The following STRIP1 variants were observed in gnomAD, a reference collection of about 807,000 sequenced individuals.
STRIP1 encodes the protein striatin interacting protein 1, also known as striatin-interacting protein 1.
Under a neutral mutation model 106.2 loss-of-function variants are expected in STRIP1, and 63 were observed. That is an observed-to-expected ratio of 0.59 (90% CI 0.48 to 0.73). STRIP1 has a LOEUF of 0.73. Ranked by LOEUF, STRIP1 falls within the 30% of genes least tolerant of loss-of-function variation. The pLI is 0.00. For synonymous variants in STRIP1, 390 were observed against 413.0 expected, an observed-to-expected ratio of 0.94 and a Z score of 0.67; for missense variants, 857 against 1,074.8, an observed-to-expected ratio of 0.80 and a Z score of 2.83.
chr1:110,034,259 C>T (rs1217675130), upstream of STRIP1, among the ~76,000 whole-genome samples: 1 of 152,096 alleles, frequency 6.6e-6, no homozygotes, highest in African/African-American at 2.4e-5. Flanking sequence ...CTTGTCACAA[C>T]GGTAACTCTG....
chr1:110,047,955 G>T (rs1465174564), intron 15 of STRIP1, 86 bp downstream of exon 15: 12 of 1,171,178 alleles, frequency 1.0e-5, no homozygotes, highest in East Asian at 5.1e-5. Context: ...GTTGGTTGTT[G>T]TTGGCCCAGC....
At chr1:110,053,598 C>T in intron 20 of STRIP1, 67 bp from the exon 21 acceptor site, 3 of 1,584,832 alleles carry the variant, frequency 1.9e-6, no homozygotes, top group East Asian at 4.5e-5. Flanking sequence ...TATTCCTGGC[C>T]AGTGAATCCA....
Position 110,034,663 on chromosome 1 carries a change from G to C in STRIP1, c.26G>C (p.Gly9Ala). MEPAVGGPGPLIVNNKQPQ... is the reference protein window; with the variant it reads MEPAVGGPAPLIVNNKQPQ... Reference sequence around the variant, plus strand: ...ATGGAGCCGGCAGTCGGCGGTCCGGGCCCACTGATCGTGAACAACAAACAG... The same window carrying C: ...ATGGAGCCGGCAGTCGGCGGTCCGGCCCCACTGATCGTGAACAACAAACAG... Residue 9 changes from glycine to alanine, a missense_variant, in exon 1 of 21, where the codon GGC (glycine) becomes GCC (alanine). Around this residue, in one of 2 missense-constraint regions of STRIP1, gnomAD observed 107 missense variants for 85.1 expected, o/e 1.26. Transcript: ENST00000369795. The C allele has an allele frequency of 1.3e-6, 2 of 1,523,186 alleles. No homozygotes were observed. The highest frequency in any genetic ancestry group is 1.8e-6 in the Non-Finnish European group (2 of 1,136,284). The allele number at this position is 1,523,186 out of a possible 1,614,324, so 94.4% of individuals were successfully genotyped here.
intron 9 of STRIP1, 21 bp downstream of exon 9, chr1:110,043,291 T>C: frequency 6.2e-7 from 1 of 1,605,460 alleles, no homozygotes; most frequent in Non-Finnish European, 8.5e-7. Flanking sequence ...CAGAGGTCCC[T>C]GTGACTCCTG....
Position 110,043,257 on chromosome 1 carries a change from G to A in STRIP1, c.1055G>A (p.Arg352His), listed in dbSNP as rs746536861. 13 of 1,610,900 alleles carry A rather than the reference G, an allele frequency of 8.1e-6. No individual in the cohort carries two copies. Among genetic ancestry groups the A allele is most frequent in the African/African-American group, 5.3e-5 (4 of 74,920 alleles). ...DLIEQQQKRG[R>H]REHKALIKQD... ...ATTGAGCAGCAGCAGAAACGGGGCC[G>A]CCGAGAGCACAAGGTGAGGACGACA... is the stretch of plus-strand genomic sequence containing the variant. Residue 352 changes from arginine to histidine, a missense_variant, in exon 9 of 21, where the codon CGC becomes CAC. This residue lies in a region of STRIP1 where 750 missense variants were observed against 989.8 expected (regional missense o/e 0.76). Coordinates refer to ENST00000369795, the MANE Select transcript of STRIP1 (RefSeq NM_033088.4).
rs1048599436 is a variant in STRIP1, at chr1:110,054,517, C to G, written c.*605C>G. ...AGAAGCTTCCCTTAACCAGAGGGGC[C>G]ATTTTTCCTTTTGGCTTTCGAGGGC... On this transcript the variant is annotated 3_prime_UTR_variant, in exon 21 of 21. Transcript: ENST00000369795. 1.3e-5 allele frequency: 2 copies of G among 152,882 alleles called. No homozygotes were observed. The highest frequency in any genetic ancestry group is 4.8e-5 in the African/African-American group (2 of 41,426). 9.5% of individuals were successfully genotyped at this position (152,882 alleles called of 1,614,324 possible). A position where few individuals can be genotyped will look rare whatever the true frequency, so the allele number is the denominator to read the frequency against.
Position 110,049,092 on chromosome 1 carries a change from C to T in STRIP1, c.1662-20C>T. The T allele has an allele frequency of 6.2e-7, 1 of 1,613,996 alleles. No individual in the cohort carries two copies. The highest frequency in any genetic ancestry group is 8.5e-7 in the Non-Finnish European group (1 of 1,179,956). ...GGTACTGCGCATGCTGGTGGCTTAC[C>T]CAGGCAATTATGTTTCCAGCACCAC... On this transcript the variant is annotated intron_variant, in intron 15 of 20. Coordinates refer to ENST00000369795, the MANE Select transcript of STRIP1 (RefSeq NM_033088.4).
At position 110,051,855 on chromosome 1, in the gene STRIP1, A is replaced by G; in HGVS notation, c.2234A>G (p.His745Arg). The change falls in exon 20 of 21, where the codon CAT (histidine) becomes CGT (arginine). Residue 745 changes from histidine to arginine, a missense_variant. By Grantham distance (29) the His-to-Arg change is conservative (BLOSUM62 0). Coordinates refer to ENST00000369795, the MANE Select transcript of STRIP1 (RefSeq NM_033088.4). The part of the protein sequence containing the change: ...TMSAIYQKVR[H>R]RLNDDWAYGN... ...TCTGCCATCTACCAGAAGGTGCGGC[A>G]TCGGCTGAACGACGACTGGGCATAC... The G allele has an allele frequency of 6.2e-7, 1 of 1,612,990 alleles. No homozygotes were observed. Among genetic ancestry groups the G allele is most frequent in the Non-Finnish European group, 8.5e-7 (1 of 1,179,956 alleles).
chr1:110,035,769 C>T (rs952314268), intron 1 of STRIP1, among the ~76,000 whole-genome samples: 5 of 152,136 alleles, frequency 3.3e-5, no homozygotes, highest in Admixed American at 1.3e-4. Context: ...CATAATGTAC[C>T]AATTCATACC....
rs1457955050 is a variant in STRIP1, at chr1:110,043,635, T to C, written c.1069-4T>C. 1 of 1,613,004 alleles carries C rather than the reference T, an allele frequency of 6.2e-7. No homozygotes were observed. The highest frequency in any genetic ancestry group is 1.3e-5 in the African/African-American group (1 of 74,938). On this transcript the variant is annotated splice_region_variant and splice_polypyrimidine_tract_variant and intron_variant, in intron 9 of 20. Transcript: ENST00000369795. ...CTTGTCTCATCTCCCTTCCCTGGTT[T>C]CAGGCTCTGATAAAGCAGGACAACC...
At chr1:110,034,549 C>A (rs1379615869), upstream of STRIP1, 7 of 1,416,352 alleles carry the variant, frequency 4.9e-6, no homozygotes, top group Middle Eastern at 1.9e-4. Flanking sequence ...CTTAATATGG[C>A]GGCCAGGGAA....
intron 15 of STRIP1, chr1:110,048,362 A>G (rs74117321): frequency 0.011 from 1,895 of 165,432 alleles, 44 homozygotes; most frequent in African/African-American, 0.043. Flanking sequence ...TGTGCCCTGT[A>G]CTTGTCTTTC....
At position 110,038,955 on chromosome 1, in the gene STRIP1, G is replaced by A. The variant is rs540907259; in HGVS notation, c.325+198G>A. 1.8e-5 allele frequency: 13 copies of A among 714,574 alleles called. No individual in the cohort carries two copies. In the East Asian group the frequency reaches 3.5e-4, roughly 19 times the overall value. The allele number at this position is 714,574 out of a possible 1,614,324, so 44.3% of individuals were successfully genotyped here. On this transcript the variant is annotated intron_variant, in intron 3 of 20. Transcript: ENST00000369795. ...GGCTTTTCAGAATGTGCATATTAGG[G>A]GAGAAAAAAAAATCATGTGATTAAA...
At chr1:110,032,502 A>G (rs1652241660), upstream of STRIP1, among the ~76,000 whole-genome samples, 2 of 152,182 alleles carry the variant, frequency 1.3e-5, no homozygotes, top group Admixed American at 1.3e-4. Context: ...GATAATAGTA[A>G]GAGTTATTAT....
intron 20 of STRIP1, among the ~76,000 whole-genome samples, chr1:110,052,211 T>G (rs557073532): frequency 6.6e-6 from 1 of 152,300 alleles, no homozygotes; most frequent in Non-Finnish European, 1.5e-5. Flanking sequence ...TTGACTGACT[T>G]CCCTGCCTCT....
rs748790762 is a variant in STRIP1, at chr1:110,049,234, A to G, written c.1784A>G (p.Tyr595Cys). The stretch of plus-strand genomic sequence containing the variant: ...AAGCACTTTAAGTTGAACCATGTCT[A>G]CCAGGTACCCACAGGGCTTTCCCTC... ...LLKHFKLNHV[Y>C]QFEYMAQHLV... The change falls in exon 16 of 21, where the codon TAC becomes TGC. Residue 595 changes from tyrosine (Y) to cysteine (C), a missense_variant. This residue lies in a region of STRIP1 where 750 missense variants were observed against 989.8 expected (regional missense o/e 0.76). Transcript: ENST00000369795. The G allele has an allele frequency of 3.1e-6, 5 of 1,614,046 alleles. No homozygotes were observed. Among genetic ancestry groups the G allele is most frequent in the Middle Eastern group, 1.7e-4 (1 of 6,024 alleles).
Position 110,039,486 on chromosome 1 carries a change from T to C in STRIP1, c.552T>C (p.Ala184=). The C allele has an allele frequency of 1.9e-6, 3 of 1,608,546 alleles. No individual in the cohort carries two copies. Among genetic ancestry groups the C allele is most frequent in the Non-Finnish European group, 2.5e-6 (3 of 1,177,518 alleles). The change falls in exon 5 of 21, where the codon GCT becomes GCC. Residue 184 remains alanine (A), a synonymous_variant. Coordinates refer to ENST00000369795, the MANE Select transcript of STRIP1 (RefSeq NM_033088.4). ...FLLLEVGTFN[A]LVELLNMEID... is the part of the protein sequence containing the mutation. ...TCCTGGAGGTGGGCACGTTCAATGC[T>C]TTGGTGGAGCTTCTGAACATGGAAA...
At chr1:110,039,044 A>G in intron 3 of STRIP1, 128 bp from the exon 4 acceptor site, 1 of 1,065,554 alleles carries the variant, frequency 9.4e-7, no homozygotes. Context: ...GTATGATCTT[A>G]CCACTTACAT....
rs1264882071 is a variant in STRIP1, at chr1:110,034,718, A to G, written c.81A>G (p.Ala27=). The G allele has an allele frequency of 1.3e-6, 2 of 1,508,256 alleles. No homozygotes were observed. 93.4% of individuals were successfully genotyped at this position (1,508,256 alleles called of 1,614,324 possible). ...QPQPPPPPPP[A]AAQPPPGAPR... ...AGCCCCCGCCACCTCCGCCGCCGGC[A>G]GCCGCACAGCCACCACCCGGGGCAC... The change falls in exon 1 of 21, where the codon GCA becomes GCG. Residue 27 remains alanine, a synonymous_variant. Transcript: ENST00000369795.
Sources: gnomAD v4.1 joint callset for allele counts (sites outside exome capture counted in the v4.1 genomes callset) on GRCh38, gnomAD v4.1.1 for gene constraint, gnomAD v4.1.1 regional missense constraint, MANE v1.5 for transcripts, NCBI Gene and HGNC (gene_info 2026-07-23, HGNC 2026-07-21) for gene names.